ZNF704: variants seen among roughly 807,000 people sequenced by gnomAD.
ZNF704 encodes the protein zinc finger protein 704, also known as glucocorticoid induced gene 1.
ZNF704 carries 10 observed loss-of-function variants against 44.7 expected under a neutral mutation model. The ratio of observed to expected loss-of-function variants is 0.22; its 90% CI spans 0.14 to 0.38. The LOEUF (loss-of-function observed/expected upper bound fraction) is 0.38, where lower values mean the gene tolerates loss of function less well. Among genes scored for constraint, ZNF704 ranks in the 10% least tolerant of loss-of-function variants. ZNF704 has a pLI of 1.00. For synonymous variants in ZNF704, 211 were observed against 207.6 expected (o/e 1.02, Z -0.14); for missense variants, 390 against 545.5 (o/e 0.71, Z 2.84).
chr8:80,707,801 A>G (rs1416864255), intron 2 of ZNF704, among the ~76,000 whole-genome samples: 1 of 149,324 alleles, frequency 6.7e-6, no homozygotes, highest in Non-Finnish European at 1.5e-5. Flanking sequence ...GCTGGCTTTT[A>G]TTGAAGATAA....
At chr8:80,799,495 C>T (rs952016398) in intron 2 of ZNF704, among the ~76,000 whole-genome samples, 5 of 152,084 alleles carry the variant, frequency 3.3e-5, no homozygotes, top group African/African-American at 9.7e-5. Flanking sequence ...ACTGGTGGTA[C>T]CTCCAGGTAC....
intron 2 of ZNF704, among the ~76,000 whole-genome samples, chr8:80,787,054 G>A (rs978112675): frequency 2.0e-5 from 3 of 152,176 alleles, no homozygotes; most frequent in African/African-American, 7.2e-5. Flanking sequence ...GAGGTGGATA[G>A]TATACACTTT....
chr8:80,811,074 T>G (rs1475362660), intron 2 of ZNF704, among the ~76,000 whole-genome samples: 1 of 152,176 alleles, frequency 6.6e-6, no homozygotes, highest in East Asian at 1.9e-4. Context: ...AATGCAAAAT[T>G]AACTTATGCT....
At chr8:80,750,193 G>A (rs986283231) in intron 2 of ZNF704, among the ~76,000 whole-genome samples, 9 of 152,160 alleles carry the variant, frequency 5.9e-5, no homozygotes, top group Middle Eastern at 6.8e-3. Context: ...GAACAGGGTT[G>A]GCACCACAGG....
chr8:80,696,598 A>G (rs534165440), intron 2 of ZNF704, among the ~76,000 whole-genome samples: 2 of 152,220 alleles, frequency 1.3e-5, no homozygotes, highest in South Asian at 2.1e-4. Flanking sequence ...TTGTATTTTC[A>G]GTAGAGACGG....
In ZNF704 at chr8:80,633,507, G is replaced by A. The variant is rs1817619309; in HGVS notation, c.*7859C>T. On this transcript the variant is annotated 3_prime_UTR_variant, in exon 9 of 9. Coordinates refer to ENST00000327835, the MANE Select transcript of ZNF704 (RefSeq NM_001033723.3). Reference sequence around the variant, plus strand: ...GCTGAAAGGCCTGGACTGAATAGATGGTTTGAGAACATGGTGGGTCCCTGG... The same window carrying A: ...GCTGAAAGGCCTGGACTGAATAGATAGTTTGAGAACATGGTGGGTCCCTGG... The A allele has an allele frequency of 6.6e-6, 1 of 152,122 alleles. No individual in the cohort carries two copies. The highest frequency in any genetic ancestry group is 1.5e-5 in the Non-Finnish European group (1 of 68,022). The allele number at this position is 152,122 out of a possible 1,614,324, so 9.4% of individuals were successfully genotyped here.
intron 1 of ZNF704, among the ~76,000 whole-genome samples, chr8:80,835,608 T>C (rs1351901997): frequency 7.9e-5 from 12 of 152,154 alleles, no homozygotes; most frequent in African/African-American, 2.9e-4. Flanking sequence ...AGTAGCTACA[T>C]GTGGAGATAT....
At chr8:80,775,502 TATTTTTCAG>T (rs1309852315) in intron 2 of ZNF704, among the ~76,000 whole-genome samples, 1 of 152,224 alleles carries the variant, frequency 6.6e-6, no homozygotes, top group East Asian at 1.9e-4. Flanking sequence ...TTCAGCAAGT[TATTTTTCAG>T]TGTGTATGGA....
chr8:80,727,247 GCCATGTGGCT>G (rs1242286363), intron 2 of ZNF704, among the ~76,000 whole-genome samples: 1 of 152,144 alleles, frequency 6.6e-6, no homozygotes, highest in Non-Finnish European at 1.5e-5. Context: ...CCTTGCTATA[GCCATGTGGCT>G]CAGGGCCAGA....
At chr8:80,790,541 A>G (rs1379579034) in intron 2 of ZNF704, among the ~76,000 whole-genome samples, 1 of 152,184 alleles carries the variant, frequency 6.6e-6, no homozygotes, top group Non-Finnish European at 1.5e-5. Context: ...AAAAACAATG[A>G]CAGGAAATGG....
chr8:80,880,195 G>C, the ZNF704 span, among the ~76,000 whole-genome samples: 2 of 152,230 alleles, frequency 1.3e-5, no homozygotes, highest in Non-Finnish European at 2.9e-5. Context: ...AACAGGTGCA[G>C]AGGAAGTCTT....
chr8:80,829,801 A>T (rs1457801937), intron 1 of ZNF704, among the ~76,000 whole-genome samples: 3 of 152,230 alleles, frequency 2.0e-5, no homozygotes, highest in African/African-American at 7.2e-5. Flanking sequence ...GTAATCAGAG[A>T]AATTTAGCAA....
chr8:80,717,459 T>C (rs1819088611), intron 2 of ZNF704, among the ~76,000 whole-genome samples: 1 of 152,226 alleles, frequency 6.6e-6, no homozygotes, highest in African/African-American at 2.4e-5. Context: ...ACTTATTCCG[T>C]AACTCAATTT....
chr8:80,706,146 C>G (rs1021835905), intron 2 of ZNF704, among the ~76,000 whole-genome samples: 1 of 152,144 alleles, frequency 6.6e-6, no homozygotes, highest in Non-Finnish European at 1.5e-5. Context: ...CGTCTGTGTC[C>G]ATTTTGAGTC....
chr8:80,636,330 A>G lies in ZNF704; in HGVS notation c.*5036T>C, dbSNP rs993959440. 6.6e-6 allele frequency: 1 copy of G among 152,194 alleles called. No individual in the cohort carries two copies. Among genetic ancestry groups the G allele is most frequent in the African/African-American group, 2.4e-5 (1 of 41,456 alleles). The allele number at this position is 152,194 out of a possible 1,614,324, so 9.4% of individuals were successfully genotyped here. A position where few individuals can be genotyped will look rare whatever the true frequency, so the allele number is the denominator to read the frequency against. On this transcript the variant is annotated 3_prime_UTR_variant, in exon 9 of 9. Coordinates refer to ENST00000327835, the MANE Select transcript of ZNF704 (RefSeq NM_001033723.3). Reference sequence around the variant, plus strand: ...AAACAGGACCAGAAGTAAAATTCCCATTTTGGTTCCTGGTCCTACGATAGA... The same window carrying G: ...AAACAGGACCAGAAGTAAAATTCCCGTTTTGGTTCCTGGTCCTACGATAGA...
intron 1 of ZNF704, among the ~76,000 whole-genome samples, chr8:80,829,303 T>C (rs1456483798): frequency 6.6e-6 from 1 of 152,038 alleles, no homozygotes; most frequent in Middle Eastern, 3.2e-3. Context: ...TGCCTGGAGG[T>C]GGGGGGAGAG....
Position 80,726,204 on chromosome 8 carries a change from C to T in ZNF704, c.222-33097G>A, listed in dbSNP as rs574777297. On this transcript the variant is annotated intron_variant, in intron 2 of 8. Transcript: ENST00000327835. ...ACCTCTTACTTTAAAACAAATTATTCAGATTAACAATGATAAAAATAAATT... is the reference window on the plus strand; with the variant it reads ...ACCTCTTACTTTAAAACAAATTATTTAGATTAACAATGATAAAAATAAATT... 1.2e-4 allele frequency among the ~76,000 whole-genome samples: 18 copies of T among 152,120 alleles called. No individual in the cohort carries two copies. The East Asian group carries it at 3.5e-3, about 29-fold the overall frequency.
chr8:80,731,158 C>T (rs1337202680), intron 2 of ZNF704, among the ~76,000 whole-genome samples: 1 of 152,200 alleles, frequency 6.6e-6, no homozygotes, highest in African/African-American at 2.4e-5. Context: ...GCTAAACAGA[C>T]AGCATCTACT....
chr8:80,646,341 T>G (rs1368163540), intron 7 of ZNF704, among the ~76,000 whole-genome samples: 1 of 152,008 alleles, frequency 6.6e-6, no homozygotes, highest in African/African-American at 2.4e-5. Flanking sequence ...TTAGCCAGAT[T>G]GGTGATGTGC....
Sources: gnomAD v4.1 joint callset for allele counts (sites outside exome capture counted in the v4.1 genomes callset) on GRCh38, gnomAD v4.1.1 for gene constraint, MANE v1.5 for transcripts, NCBI Gene and HGNC (gene_info 2026-07-23, HGNC 2026-07-21) for gene names.